The following FAM111B variants were observed in gnomAD, a reference collection of about 807,000 sequenced individuals.
FAM111B encodes FAM111 trypsin like peptidase B.
In FAM111B, 1 loss-of-function variant was observed where a neutral mutation model predicts 2.8. That is an observed-to-expected ratio of 0.36 (90% confidence interval 0.13 to 1.70). The LOEUF is 1.70. Ranked by LOEUF, FAM111B falls within the 40% of genes most tolerant of loss-of-function variation. FAM111B has a pLI of 0.35. For synonymous variants in FAM111B, 297 were observed against 295.6 expected (o/e 1.00, Z -0.05); for missense variants, 882 against 878.9 (o/e 1.00, Z -0.04).
At chr11:59,114,794 T>C (rs1350800643) in intron 3 of FAM111B, among the ~76,000 whole-genome samples, 1 of 151,760 alleles carries the variant, frequency 6.6e-6, no homozygotes, top group Non-Finnish European at 1.5e-5. Flanking sequence ...AAAGGAAAAA[T>C]AAATTGTGTG....
intron 3 of FAM111B, among the ~76,000 whole-genome samples, chr11:59,114,071 G>A (rs1265537831): frequency 6.6e-6 from 1 of 152,234 alleles, no homozygotes; most frequent in African/African-American, 2.4e-5. Flanking sequence ...AACAGAAAGT[G>A]GCAAGTGTGT....
chr11:59,110,454 A>C (rs1859741115), intron 3 of FAM111B, among the ~76,000 whole-genome samples: 1 of 152,180 alleles, frequency 6.6e-6, no homozygotes, highest in Admixed American at 6.5e-5. Context: ...AAGGTGAATA[A>C]GTTCTAGGGA....
Position 59,124,207 on chromosome 11 carries a change from A to C in FAM111B, c.110A>C (p.Asp37Ala), listed in dbSNP as rs1481397732. 6.2e-7 allele frequency: 1 copy of C among 1,613,046 alleles called. No homozygotes were observed. Among genetic ancestry groups the C allele is most frequent in the South Asian group, 1.1e-5 (1 of 90,998 alleles). The change falls in exon 4 of 4, where the codon GAC becomes GCC. Residue 37 changes from aspartate to alanine, a missense_variant. By Grantham distance (126) the Asp-to-Ala change is moderately radical. Coordinates refer to ENST00000343597, the MANE Select transcript of FAM111B (RefSeq NM_198947.4). Reference sequence around the variant, plus strand: ...ACTGTCATGAAGCAGACACATGCTGACACACCTGTTGATCATTGTCTATCT... The same window carrying C: ...ACTGTCATGAAGCAGACACATGCTGCCACACCTGTTGATCATTGTCTATCT... Reference protein sequence around the residue: ...KDTVMKQTHADTPVDHCLSGI... With the variant: ...KDTVMKQTHAATPVDHCLSGI...
At position 59,124,703 on chromosome 11, in the gene FAM111B, C is replaced by T. The variant is rs753488075; in HGVS notation, c.606C>T (p.Asn202=). 42 of 1,613,336 alleles carry T rather than the reference C, an allele frequency of 2.6e-5. No homozygotes were observed. Among genetic ancestry groups the T allele is most frequent in the Non-Finnish European group, 3.2e-5 (38 of 1,179,674 alleles). Residue 202 remains asparagine, a synonymous_variant, in exon 4 of 4, where the codon AAC becomes AAT. Transcript: ENST00000343597. ...GRTRKKIVKI[N]ELHEKGSKLC... ...CAAGAAAGAAGATTGTTAAGATCAA[C>T]GAACTTCATGAAAAAGGAAGTAAAC...
intron 3 of FAM111B, among the ~76,000 whole-genome samples, chr11:59,119,137 T>C (rs1434727462): frequency 6.6e-6 from 1 of 152,206 alleles, no homozygotes; most frequent in South Asian, 2.1e-4. Flanking sequence ...GGTAGCTGAT[T>C]TCCCTGACTT....
intron 3 of FAM111B, among the ~76,000 whole-genome samples, chr11:59,120,880 A>G (rs1280159932): frequency 2.0e-5 from 3 of 152,220 alleles, no homozygotes; most frequent in Non-Finnish European, 4.4e-5. Flanking sequence ...AGTTCAACCC[A>G]TAACAATCTT....
chr11:59,126,193 A>C lies in FAM111B; in HGVS notation c.2096A>C (p.Glu699Ala). The change falls in exon 4 of 4, where the codon GAG becomes GCG. Residue 699 changes from glutamate to alanine, a missense_variant. Glu to Ala is a moderately radical substitution (Grantham distance 107). Coordinates refer to ENST00000343597, the MANE Select transcript of FAM111B (RefSeq NM_198947.4). ...SILCDIKKTN[E>A]SLYKSLNDEK... ...CTTTGTGATATTAAAAAGACAAATG[A>C]GAGCTTGTATAAATCATTAAATGAT... 1 of 1,611,156 alleles carries C rather than the reference A, an allele frequency of 6.2e-7. No individual in the cohort carries two copies. The highest frequency in any genetic ancestry group is 8.5e-7 in the Non-Finnish European group (1 of 1,179,072).
At chr11:59,121,968 C>A (rs534776928) in intron 3 of FAM111B, among the ~76,000 whole-genome samples, 1 of 152,132 alleles carries the variant, frequency 6.6e-6, no homozygotes, top group South Asian at 2.1e-4. Context: ...AATGGTGAAA[C>A]CCCGTCTCTA....
rs750595574 is a variant in FAM111B, at chr11:59,126,350, G to T, written c.*48G>T. 2 of 1,428,362 alleles carry T rather than the reference G, an allele frequency of 1.4e-6. No individual in the cohort carries two copies. Among genetic ancestry groups the T allele is most frequent in the Non-Finnish European group, 1.9e-6 (2 of 1,071,702 alleles). The allele number at this position is 1,428,362 out of a possible 1,614,324, so 88.5% of individuals were successfully genotyped here. ...AAATATGCCAATAATTCCTGGCAAA[G>T]ATTTCATGACAAAGACACTTAAAGC... On this transcript the variant is annotated 3_prime_UTR_variant, in exon 4 of 4. Coordinates refer to ENST00000343597, the MANE Select transcript of FAM111B (RefSeq NM_198947.4).
intron 3 of FAM111B, among the ~76,000 whole-genome samples, chr11:59,117,823 AGTT>A (rs1359866610): frequency 6.6e-6 from 1 of 152,236 alleles, no homozygotes; most frequent in African/African-American, 2.4e-5. Context: ...CTTGACTAAA[AGTT>A]GTCCTGGTTC....
Position 59,125,505 on chromosome 11 carries a change from G to A in FAM111B, c.1408G>A (p.Gly470Arg). 1.2e-6 allele frequency: 2 copies of A among 1,613,930 alleles called. No individual in the cohort carries two copies. Among genetic ancestry groups the A allele is most frequent in the African/African-American group, 1.3e-5 (1 of 75,022 alleles). ...TGGGTTCATGCAATGGGACAATAAT[G>A]GAAACACAGGTAATGCTACTTGCTT... is the stretch of plus-strand genomic sequence containing the variant. ...SVGFMQWDNN[G>R]NTGNATCFVF... is the part of the protein sequence containing the mutation. Residue 470 changes from glycine (G) to arginine (R), a missense_variant, in exon 4 of 4, where the codon GGA becomes AGA. By Grantham distance (125) the Gly-to-Arg change is moderately radical. Coordinates refer to ENST00000343597, the MANE Select transcript of FAM111B (RefSeq NM_198947.4).
rs1860023624 is a variant in FAM111B at position 59,125,966 on chromosome 11, G to A, written c.1869G>A (p.Met623Ile). The A allele has an allele frequency of 2.5e-6, 4 of 1,613,784 alleles. No homozygotes were observed. In the African/African-American group the frequency reaches 5.3e-5, roughly 22 times the overall value. Reference protein sequence around the residue: ...LYDTTSNVYCMFTQRSFLSEV... With the variant: ...LYDTTSNVYCIFTQRSFLSEV... ...ATACCACCAGTAATGTATACTGTAT[G>A]TTTACCCAAAGAAGTTTCCTATCAG... Residue 623 changes from methionine to isoleucine, a missense_variant, in exon 4 of 4, where the codon ATG becomes ATA. By Grantham distance (10) the Met-to-Ile change is conservative. Coordinates refer to ENST00000343597, the MANE Select transcript of FAM111B (RefSeq NM_198947.4).
At chr11:59,113,660 A>G (rs1236479999) in intron 3 of FAM111B, among the ~76,000 whole-genome samples, 1 of 152,188 alleles carries the variant, frequency 6.6e-6, no homozygotes, top group Non-Finnish European at 1.5e-5. Flanking sequence ...CTCCCCAGAC[A>G]AAAGCTCTGC....
At chr11:59,113,319 C>A (rs1859788397) in intron 3 of FAM111B, among the ~76,000 whole-genome samples, 1 of 152,122 alleles carries the variant, frequency 6.6e-6, no homozygotes, top group African/African-American at 2.4e-5. Flanking sequence ...TGTTTAATTT[C>A]TTTTGCTGTG....
At chr11:59,122,141 CA>C (rs917365882) in intron 3 of FAM111B, among the ~76,000 whole-genome samples, 1 of 150,900 alleles carries the variant, frequency 6.6e-6, no homozygotes, top group Non-Finnish European at 1.5e-5. Context: ...GACTCCGTCT[CA>C]AAAAAAATAA....
intron 2 of FAM111B, 82 bp from the exon 3 acceptor site, chr11:59,109,458 T>C (rs1385270192): frequency 4.0e-6 from 2 of 498,374 alleles, no homozygotes; most frequent in Non-Finnish European, 7.2e-6. Context: ...TTCTCAGATA[T>C]CAGAGATGAG....
chr11:59,121,233 G>C (rs1325860818), intron 3 of FAM111B, among the ~76,000 whole-genome samples: 1 of 152,064 alleles, frequency 6.6e-6, no homozygotes, highest in Non-Finnish European at 1.5e-5. Context: ...TAAACAATTT[G>C]TGTCTACAAT....
At position 59,126,283 on chromosome 11, in the gene FAM111B, T is replaced by G; in HGVS notation, c.2186T>G (p.Ile729Ser). The change falls in exon 4 of 4, where the codon ATT becomes AGT. Residue 729 changes from isoleucine to serine, a missense_variant. Physicochemically the swap from Ile to Ser is moderately radical, Grantham distance 142. Transcript: ENST00000343597. The stretch of plus-strand genomic sequence containing the variant: ...GAGTCATCACTTCAAGATCATCAGA[T>G]TGAACCCATGGAATGTTAGAAAAGA... ...KQESSLQDHQIEPMEC is the reference protein window; with the variant it reads ...KQESSLQDHQSEPMEC 1 of 1,542,774 alleles carries G rather than the reference T, an allele frequency of 6.5e-7. No individual in the cohort carries two copies. The highest frequency in any genetic ancestry group is 8.7e-7 in the Non-Finnish European group (1 of 1,150,418).
Position 59,126,245 on chromosome 11 carries a change from G to T in FAM111B, c.2148G>T (p.Glu716Asp). ...NDEKLETYDE[E>D]KGKQESSLQD... ...AGAAACTTGAGACCTACGATGAAGA[G>T]AAAGGTAAACAAGAGTCATCACTTC... The change falls in exon 4 of 4, where the codon GAG (glutamate) becomes GAT (aspartate). Residue 716 changes from glutamate to aspartate, a missense_variant. Transcript: ENST00000343597. 6.3e-7 allele frequency: 1 copy of T among 1,593,378 alleles called. No individual in the cohort carries two copies. The highest frequency in any genetic ancestry group is 1.4e-5 in the African/African-American group (1 of 73,666).
Sources: allele counts gnomAD v4.1 joint callset (sites outside exome capture counted in the v4.1 genomes callset), GRCh38; gene constraint gnomAD v4.1.1; transcripts MANE v1.5; gene names NCBI Gene and HGNC (gene_info 2026-07-23, HGNC 2026-07-21).